Variants in GAS7 observed in about 807,000 individuals in gnomAD.
GAS7 encodes the protein growth arrest-specific protein 7.
A neutral mutation model predicts 71.1 loss-of-function variants in GAS7; 28 were observed. The observed-to-expected ratio is 0.39, with a 90% CI of 0.29 to 0.54. The LOEUF (loss-of-function observed/expected upper bound fraction) is 0.54, where lower values mean the gene tolerates loss of function less well. Ranked by LOEUF, GAS7 falls within the 20% of genes least tolerant of loss-of-function variation. GAS7 has a pLI of 0.62. For synonymous variants in GAS7, 258 were observed against 245.8 expected (o/e 1.05, Z -0.46); for missense variants, 436 against 627.8 (o/e 0.69, Z 3.27).
chr17:10,110,474 CT>C (rs1254089635), intron 1 of GAS7, among the ~76,000 whole-genome samples: 1 of 151,002 alleles, frequency 6.6e-6, no homozygotes, highest in Non-Finnish European at 1.5e-5. Flanking sequence ...AAGTTCTTTT[CT>C]TTTTTTTTAA....
In GAS7 at chr17:10,181,501, CAA is replaced by C. The variant is rs1051756402; in HGVS notation, c.183+16705_183+16706del. Among the ~76,000 whole-genome samples the C allele has an allele frequency of 2.6e-5, 4 of 151,126 alleles. No individual in the cohort carries two copies. The South Asian group carries it at 8.4e-4, about 32-fold the overall frequency. On this transcript the variant is annotated intron_variant, in intron 1 of 13. Coordinates refer to ENST00000432992, the MANE Select transcript of GAS7 (RefSeq NM_201433.2). The stretch of plus-strand genomic sequence containing the variant: ...GAACAGCATGCACAGGGTACAGAAG[CAA>C]AAAAAAGCAAAGCTGTACCCAAGAA...
chr17:10,042,860 T>C (rs1471699955), intron 1 of GAS7, among the ~76,000 whole-genome samples: 1 of 152,206 alleles, frequency 6.6e-6, no homozygotes, highest in Non-Finnish European at 1.5e-5. Flanking sequence ...GACAGCGAAG[T>C]TGATTCGGAA....
intron 1 of GAS7, among the ~76,000 whole-genome samples, chr17:10,033,596 A>T (rs1157778845): frequency 6.6e-6 from 1 of 152,232 alleles, no homozygotes; most frequent in African/African-American, 2.4e-5. Flanking sequence ...ATCTTCAAGC[A>T]CAAGCGACAC....
chr17:10,005,059 A>G (rs567938219), intron 2 of GAS7, among the ~76,000 whole-genome samples: 57 of 146,542 alleles, frequency 3.9e-4, no homozygotes, highest in Non-Finnish European at 5.9e-4. Flanking sequence ...ATACACATAT[A>G]TGTGTGTATG....
chr17:10,051,862 T>A (rs1239299234), intron 1 of GAS7, among the ~76,000 whole-genome samples: 1 of 152,148 alleles, frequency 6.6e-6, no homozygotes, highest in Non-Finnish European at 1.5e-5. Flanking sequence ...TTTCCCTTTT[T>A]CCCCAGCATT....
chr17:10,111,993 C>G (rs1363472646), intron 1 of GAS7, among the ~76,000 whole-genome samples: 2 of 152,182 alleles, frequency 1.3e-5, no homozygotes, highest in Admixed American at 6.5e-5. Flanking sequence ...TAAATTAATC[C>G]AAATGAAAGA....
intron 1 of GAS7, among the ~76,000 whole-genome samples, chr17:10,152,829 G>A (rs1292250636): frequency 6.6e-6 from 1 of 152,152 alleles, no homozygotes; most frequent in Admixed American, 6.5e-5. Flanking sequence ...GCAGGATGCA[G>A]GGAGATGGTG....
chr17:10,018,416 A>T (rs1261681692), intron 2 of GAS7, among the ~76,000 whole-genome samples: 2 of 152,206 alleles, frequency 1.3e-5, no homozygotes, highest in Non-Finnish European at 1.5e-5. Context: ...GTCCCAAATA[A>T]TTGATGATCT....
chr17:9,975,535 C>T (rs568532361), intron 3 of GAS7, among the ~76,000 whole-genome samples: 1 of 151,146 alleles, frequency 6.6e-6, no homozygotes, highest in Admixed American at 6.6e-5. Flanking sequence ...TTTCTCACCC[C>T]CCCCTTTTTC....
chr17:10,137,348 TCC>T (rs2074046837), intron 1 of GAS7, among the ~76,000 whole-genome samples: 1 of 151,528 alleles, frequency 6.6e-6, no homozygotes, highest in South Asian at 2.1e-4. Flanking sequence ...AAAGTAAACT[TCC>T]CCACAACCTG....
chr17:10,040,392 T>A (rs924862955), intron 1 of GAS7, among the ~76,000 whole-genome samples: 1 of 152,050 alleles, frequency 6.6e-6, no homozygotes, highest in African/African-American at 2.4e-5. Flanking sequence ...TGGGAGGCCA[T>A]GAGGACACCA....
chr17:10,191,073 G>A (rs747772953), intron 1 of GAS7, among the ~76,000 whole-genome samples: 5 of 152,072 alleles, frequency 3.3e-5, no homozygotes, highest in Non-Finnish European at 7.4e-5. Context: ...TACCCAGGAG[G>A]CTGAGGTAGG....
At chr17:10,126,352 T>TCTTG (rs1567602220) in intron 1 of GAS7, among the ~76,000 whole-genome samples, 2 of 137,232 alleles carry the variant, frequency 1.5e-5, no homozygotes, top group East Asian at 4.6e-4. Flanking sequence ...ACTCATACAC[T>TCTTG]CACACACACT....
intron 1 of GAS7, among the ~76,000 whole-genome samples, chr17:10,042,079 G>A (rs1182271067): frequency 6.6e-6 from 1 of 152,100 alleles, no homozygotes; most frequent in Non-Finnish European, 1.5e-5. Context: ...GGCAGATCAT[G>A]AGGTCACGAG....
At chr17:10,068,179 A>G (rs1053309213) in intron 1 of GAS7, among the ~76,000 whole-genome samples, 6 of 152,196 alleles carry the variant, frequency 3.9e-5, no homozygotes, top group Non-Finnish European at 5.9e-5. Context: ...CCAAAGAGGG[A>G]CAGGCACCCC....
chr17:9,940,474 G>T (rs777951803), intron 7 of GAS7, among the ~76,000 whole-genome samples: 8 of 152,166 alleles, frequency 5.3e-5, no homozygotes, highest in Non-Finnish European at 8.8e-5. Flanking sequence ...GAGAGCTGTC[G>T]TTTACACAGT....
At chr17:10,021,873 G>A (rs1555524888) in intron 1 of GAS7, among the ~76,000 whole-genome samples, 1 of 152,200 alleles carries the variant, frequency 6.6e-6, no homozygotes, top group South Asian at 2.1e-4. Context: ...CATGTTGAGA[G>A]AAAGAGAAGT....
intron 1 of GAS7, among the ~76,000 whole-genome samples, chr17:10,067,500 A>C (rs1019764173): frequency 2.2e-4 from 33 of 152,128 alleles, no homozygotes; most frequent in African/African-American, 7.5e-4. Context: ...TCAGCCTCCC[A>C]AAGTGCTGGG....
intron 1 of GAS7, among the ~76,000 whole-genome samples, chr17:10,195,407 C>T (rs1455807982): frequency 6.6e-6 from 1 of 152,132 alleles, no homozygotes; most frequent in Non-Finnish European, 1.5e-5. Flanking sequence ...TATTCAGTGC[C>T]TCCCTCCCCT....
Sources: gnomAD v4.1 joint callset for allele counts (sites outside exome capture counted in the v4.1 genomes callset) on GRCh38, gnomAD v4.1.1 for gene constraint, MANE v1.5 for transcripts, NCBI Gene and HGNC (gene_info 2026-07-23, HGNC 2026-07-21) for gene names.